The following RBFOX1 variants were observed in gnomAD, a reference collection of about 807,000 sequenced individuals.
The protein encoded by RBFOX1 is RNA binding protein fox-1 homolog 1.
A neutral mutation model predicts 57.7 loss-of-function variants in RBFOX1; 8 were observed. The ratio of observed to expected loss-of-function variants is 0.14; its 90% CI spans 0.08 to 0.25. The LOEUF (loss-of-function observed/expected upper bound fraction) is 0.25, where lower values mean the gene tolerates loss of function less well. Ranked by LOEUF, RBFOX1 falls within the 10% of genes least tolerant of loss-of-function variation. The pLI, the probability that RBFOX1 is intolerant of heterozygous loss-of-function variation, is 1.00. For missense variants in RBFOX1, 611 were observed against 548.5 expected, an observed-to-expected ratio of 1.11 and a Z score of -1.14; for synonymous variants, 326 against 222.4, an observed-to-expected ratio of 1.47 and a Z score of -4.15.
intron 5 of RBFOX1, among the ~76,000 whole-genome samples, chr16:7,554,552 G>A (rs1214314885): frequency 1.3e-5 from 2 of 152,158 alleles, no homozygotes; most frequent in Admixed American, 1.3e-4. Context: ...CTTCCTATCA[G>A]AAATGTGGAG....
At chr16:6,734,025 C>T in intron 3 of RBFOX1, among the ~76,000 whole-genome samples, 1 of 152,212 alleles carries the variant, frequency 6.6e-6, no homozygotes, top group East Asian at 1.9e-4. Flanking sequence ...TACAGTTTAA[C>T]ACGTGCTTAT....
At chr16:7,668,943 G>A (rs1339528229) in intron 13 of RBFOX1, among the ~76,000 whole-genome samples, 3 of 152,104 alleles carry the variant, frequency 2.0e-5, no homozygotes, top group Admixed American at 6.5e-5. Context: ...TCGCTCTGTC[G>A]CCCAGGCTGG....
chr16:6,533,967 A>T (rs1049229696), intron 2 of RBFOX1, among the ~76,000 whole-genome samples: 8 of 152,190 alleles, frequency 5.3e-5, no homozygotes, highest in African/African-American at 1.7e-4. Flanking sequence ...AATGTATATT[A>T]TATATATGTG....
At chr16:6,889,879 T>C (rs2065012934) in intron 3 of RBFOX1, among the ~76,000 whole-genome samples, 1 of 152,192 alleles carries the variant, frequency 6.6e-6, no homozygotes, top group Non-Finnish European at 1.5e-5. Flanking sequence ...AGTTTTCCTT[T>C]TTGAGTTTTC....
intron 3 of RBFOX1, among the ~76,000 whole-genome samples, chr16:7,016,809 C>T (rs759682572): frequency 4.6e-5 from 7 of 152,146 alleles, no homozygotes; most frequent in African/African-American, 1.2e-4. Context: ...GGTTACCCGC[C>T]AGGTGAGGTT....
At chr16:7,601,037 A>G (rs969685497) in intron 9 of RBFOX1, among the ~76,000 whole-genome samples, 2 of 152,324 alleles carry the variant, frequency 1.3e-5, no homozygotes, top group African/African-American at 4.8e-5. Context: ...TGGATCTGCA[A>G]TACAAGATTG....
chr16:7,241,059 A>G (rs1567853364), intron 4 of RBFOX1, among the ~76,000 whole-genome samples: 1 of 152,188 alleles, frequency 6.6e-6, no homozygotes, highest in Non-Finnish European at 1.5e-5. Flanking sequence ...TGGGTTGGAA[A>G]AGAAGGTTTA....
At chr16:7,531,854 C>A (rs113518211) in intron 5 of RBFOX1, among the ~76,000 whole-genome samples, 95 of 152,172 alleles carry the variant, frequency 6.2e-4, no homozygotes, top group African/African-American at 2.2e-3. Context: ...GCTCTCAACT[C>A]CCTCAATTTA....
At chr16:5,818,577 T>G (rs1458290740) in intron 3 of RBFOX1, among the ~76,000 whole-genome samples, 1 of 152,244 alleles carries the variant, frequency 6.6e-6, no homozygotes, top group South Asian at 2.1e-4. Flanking sequence ...AGTCCATTAA[T>G]AAGCATTTTT....
chr16:6,900,099 C>T (rs1398506258), intron 3 of RBFOX1, among the ~76,000 whole-genome samples: 2 of 152,112 alleles, frequency 1.3e-5, no homozygotes, highest in African/African-American at 2.4e-5. Flanking sequence ...GTTCCTGGCA[C>T]ATGAAACAAA....
chr16:7,507,953 G>T (rs1445174375), intron 4 of RBFOX1, among the ~76,000 whole-genome samples: 1 of 151,662 alleles, frequency 6.6e-6, no homozygotes, highest in African/African-American at 2.4e-5. Flanking sequence ...ATTGTTTCCA[G>T]CTGAAACTCT....
At chr16:5,749,062 C>A (rs1234465652) in intron 3 of RBFOX1, among the ~76,000 whole-genome samples, 1 of 152,066 alleles carries the variant, frequency 6.6e-6, no homozygotes, top group African/African-American at 2.4e-5. Flanking sequence ...TTAGGGCAGG[C>A]CTGGTGGTGA....
rs1197397584 is a variant in RBFOX1 at position 5,454,963 on chromosome 16, C to CTT, written c.220-12251_220-12250dup. Among the ~76,000 whole-genome samples the CTT allele has an allele frequency of 2.7e-3, 130 of 48,772 alleles. 1 individual carries two copies. Among genetic ancestry groups the CTT allele is most frequent in the Non-Finnish European group, 4.6e-3 (108 of 23,256 alleles). 32.0% of individuals were successfully genotyped at this position (48,772 alleles called of 152,430 possible). On this transcript the variant is annotated intron_variant, in intron 1 of 2. Transcript: ENST00000585867. ...CCTTCCTTCCTTCCTTCCTTCCTTT[C>CTT]TTTCTTTCTTTCTTTCTTTCTTTCT...
At chr16:6,855,345 C>G (rs896845403) in intron 3 of RBFOX1, among the ~76,000 whole-genome samples, 1 of 151,962 alleles carries the variant, frequency 6.6e-6, no homozygotes, top group Admixed American at 6.6e-5. Flanking sequence ...GGTAGTCACA[C>G]AAAACAGAAA....
At chr16:7,371,532 C>T (rs867957751) in intron 4 of RBFOX1, among the ~76,000 whole-genome samples, 9 of 152,140 alleles carry the variant, frequency 5.9e-5, no homozygotes, top group South Asian at 4.1e-4. Flanking sequence ...GGCGGATAAC[C>T]TGAGGTCAGG....
rs2061680639 is a variant in RBFOX1, at chr16:6,700,623, A to AC, written c.-16+45974dup. Among the ~76,000 whole-genome samples the AC allele has an allele frequency of 2.0e-5, 3 of 152,108 alleles. No homozygotes were observed. The South Asian group carries it at 6.2e-4, about 32-fold the overall frequency. On this transcript the variant is annotated intron_variant, in intron 3 of 15. Transcript: ENST00000550418. The stretch of plus-strand genomic sequence containing the variant: ...CAGTGAGCTGAGATCGCACCACTGC[A>AC]CTCCAGCCTGGGCAACAAAAACGAA...
intron 4 of RBFOX1, among the ~76,000 whole-genome samples, chr16:7,189,255 C>T (rs1234872379): frequency 3.3e-5 from 5 of 151,688 alleles, no homozygotes; most frequent in African/African-American, 1.2e-4. Context: ...GAAACCCCAT[C>T]TCTACTAAAA....
At chr16:7,415,159 A>C (rs534893948) in intron 4 of RBFOX1, among the ~76,000 whole-genome samples, 2 of 152,274 alleles carry the variant, frequency 1.3e-5, no homozygotes, top group South Asian at 4.1e-4. Context: ...TATTTATTAT[A>C]TTGCCATGCC....
At chr16:5,954,402 A>G (rs2059583533) in intron 4 of RBFOX1, among the ~76,000 whole-genome samples, 1 of 151,862 alleles carries the variant, frequency 6.6e-6, no homozygotes, top group South Asian at 2.1e-4. Context: ...ACCGCTGGAC[A>G]CTGCTGAGAA....
Sources: gnomAD v4.1 joint callset for allele counts (sites outside exome capture counted in the v4.1 genomes callset) on GRCh38, gnomAD v4.1.1 for gene constraint, MANE v1.5 for transcripts, NCBI Gene and HGNC (gene_info 2026-07-23, HGNC 2026-07-21) for gene names.